Variants in CORO2B observed in about 807,000 individuals in gnomAD.
CORO2B encodes the protein coronin-2B.
A neutral mutation model predicts 58.8 loss-of-function variants in CORO2B; 26 were observed. The observed-to-expected ratio is 0.44, with a 90% CI of 0.32 to 0.61. The LOEUF (loss-of-function observed/expected upper bound fraction) is 0.61, where lower values mean the gene tolerates loss of function less well. CORO2B is among the 20% of genes least tolerant of loss of function. The pLI is 0.04. For missense variants in CORO2B, 460 were observed against 645.1 expected, an observed-to-expected ratio of 0.71 and a Z score of 3.11; for synonymous variants, 242 against 253.8, an observed-to-expected ratio of 0.95 and a Z score of 0.44.
chr15:68,518,521 C>T, the CORO2B span, among the ~76,000 whole-genome samples: 1 of 152,126 alleles, frequency 6.6e-6, no homozygotes, highest in Non-Finnish European at 1.5e-5. Context: ...TCCCTACTCT[C>T]TTCTCTCCTC....
intron 2 of CORO2B, among the ~76,000 whole-genome samples, chr15:68,682,482 A>G (rs1902822864): frequency 6.6e-6 from 1 of 152,032 alleles, no homozygotes; most frequent in Non-Finnish European, 1.5e-5. Flanking sequence ...GGGGCTCAGG[A>G]TGTTTACAGC....
upstream of CORO2B, among the ~76,000 whole-genome samples, chr15:68,574,448 C>G (rs1235388100): frequency 6.6e-6 from 1 of 152,088 alleles, no homozygotes; most frequent in African/African-American, 2.4e-5. Flanking sequence ...GCAGGTAATC[C>G]TAAAAGACTG....
intron 1 of CORO2B, among the ~76,000 whole-genome samples, chr15:68,595,213 C>A (rs1390980959): frequency 1.3e-5 from 2 of 152,242 alleles, no homozygotes; most frequent in Non-Finnish European, 2.9e-5. Flanking sequence ...AGAGTACTCT[C>A]TTGAGCTGGA....
intron 2 of CORO2B, among the ~76,000 whole-genome samples, chr15:68,653,733 C>G (rs1901713973): frequency 1.4e-5 from 2 of 147,300 alleles, no homozygotes; most frequent in African/African-American, 5.0e-5. Flanking sequence ...CAGCTCAGTA[C>G]TGAGGACTGT....
the CORO2B span, among the ~76,000 whole-genome samples, chr15:68,545,918 A>C: frequency 3.6e-4 from 55 of 152,248 alleles, no homozygotes; most frequent in African/African-American, 7.2e-4. Flanking sequence ...GGCCAATGGC[A>C]CTCAGAGACT....
chr15:68,549,806 C>T, the CORO2B span, among the ~76,000 whole-genome samples: 18 of 151,974 alleles, frequency 1.2e-4, no homozygotes, highest in East Asian at 7.7e-4. Flanking sequence ...CTGGGCATTG[C>T]GGCATGTGCC....
At chr15:68,679,010 G>A (rs544464513) in intron 2 of CORO2B, among the ~76,000 whole-genome samples, 4 of 152,334 alleles carry the variant, frequency 2.6e-5, no homozygotes, top group South Asian at 2.1e-4. Context: ...CTGGCCCTCC[G>A]AGCTGGTCAG....
the CORO2B span, among the ~76,000 whole-genome samples, chr15:68,569,127 T>C: frequency 2.6e-4 from 39 of 152,232 alleles, no homozygotes; most frequent in Non-Finnish European, 5.3e-4. Flanking sequence ...TCGATGAATC[T>C]ACATTAGCAT....
intron 1 of CORO2B, among the ~76,000 whole-genome samples, chr15:68,639,314 A>C (rs1006017143): frequency 1.3e-5 from 2 of 152,198 alleles, no homozygotes; most frequent in African/African-American, 4.8e-5. Flanking sequence ...GGCCAGAAGG[A>C]GTTGGATGAT....
intron 3 of CORO2B, among the ~76,000 whole-genome samples, chr15:68,708,244 T>C (rs1892827849): frequency 6.6e-6 from 1 of 151,968 alleles, no homozygotes; most frequent in Non-Finnish European, 1.5e-5. Context: ...TCTTATAGTA[T>C]GAGGAGGAGG....
chr15:68,719,917 G>C (rs8023915), intron 11 of CORO2B, among the ~76,000 whole-genome samples: 3 of 152,146 alleles, frequency 2.0e-5, no homozygotes, highest in African/African-American at 4.8e-5. Flanking sequence ...CCTCGCTGGC[G>C]TTGCAGCAGT....
intron 1 of CORO2B, among the ~76,000 whole-genome samples, chr15:68,584,427 T>A (rs1270425939): frequency 6.6e-6 from 1 of 152,082 alleles, no homozygotes; most frequent in Non-Finnish European, 1.5e-5. Flanking sequence ...CACCCCACAG[T>A]GGCCAGCCCT....
the CORO2B span, among the ~76,000 whole-genome samples, chr15:68,552,647 C>T: frequency 2.0e-5 from 3 of 152,278 alleles, no homozygotes; most frequent in East Asian, 3.9e-4. Flanking sequence ...CCTGCACACA[C>T]TGGAGGCCCC....
At chr15:68,699,552 A>G (rs1214740082) in intron 3 of CORO2B, among the ~76,000 whole-genome samples, 9 of 152,088 alleles carry the variant, frequency 5.9e-5, no homozygotes, top group South Asian at 2.1e-4. Context: ...CAAGGAGATT[A>G]AGTCTGGATC....
intron 1 of CORO2B, among the ~76,000 whole-genome samples, chr15:68,641,976 G>A (rs757997272): frequency 9.3e-5 from 14 of 150,464 alleles, no homozygotes; most frequent in Non-Finnish European, 1.3e-4. Flanking sequence ...CGATCTGTCC[G>A]CCTCAGCCTC....
At chr15:68,609,309 C>T (rs1266442263) in intron 1 of CORO2B, among the ~76,000 whole-genome samples, 2 of 152,140 alleles carry the variant, frequency 1.3e-5, no homozygotes, top group African/African-American at 2.4e-5. Context: ...CCTGTCTGAG[C>T]GTTATCTAGC....
intron 1 of CORO2B, among the ~76,000 whole-genome samples, chr15:68,590,293 C>T (rs1326080332): frequency 6.6e-6 from 1 of 151,404 alleles, no homozygotes; most frequent in East Asian, 1.9e-4. Flanking sequence ...GCCACAAACT[C>T]AGTGGGCCTT....
the CORO2B span, among the ~76,000 whole-genome samples, chr15:68,570,614 G>T: frequency 1.3e-5 from 2 of 152,184 alleles, no homozygotes; most frequent in Non-Finnish European, 2.9e-5. Context: ...GTGCTTACAA[G>T]TTGTCCTTTT....
In CORO2B at chr15:68,711,601, T is replaced by C. The variant is rs1407139035; in HGVS notation, c.543T>C (p.Asp181=). The C allele has an allele frequency of 1.2e-6, 2 of 1,613,996 alleles. No homozygotes were observed. The highest frequency in any genetic ancestry group is 1.1e-5 in the South Asian group (1 of 91,078). The change falls in exon 5 of 12, where the codon GAT becomes GAC. Residue 181 remains aspartate (D), a synonymous_variant. Transcript: ENST00000261861. ...TGAAGATGATTGACTGCCACACGGA[T>C]GTGATCCTCTGCATGTCCTTCAACA... The part of the protein sequence containing the change: ...EPVKMIDCHT[D]VILCMSFNTD...
Sources: gnomAD v4.1 joint callset for allele counts (sites outside exome capture counted in the v4.1 genomes callset) on GRCh38, gnomAD v4.1.1 for gene constraint, MANE v1.5 for transcripts, NCBI Gene and HGNC (gene_info 2026-07-23, HGNC 2026-07-21) for gene names.